The following ZDHHC17 variants were observed in gnomAD, a reference collection of about 807,000 sequenced individuals.
ZDHHC17 encodes zDHHC palmitoyltransferase 17, also known as palmitoyltransferase ZDHHC17.
ZDHHC17 carries 40 observed loss-of-function variants against 90.3 expected under a neutral mutation model. That is an observed-to-expected ratio of 0.44 (90% confidence interval 0.34 to 0.58). The LOEUF is 0.58. ZDHHC17 is among the 20% of genes least tolerant of loss of function. ZDHHC17 has a pLI of 0.01. For synonymous variants in ZDHHC17, 235 were observed against 252.4 expected, an observed-to-expected ratio of 0.93 and a Z score of 0.65; for missense variants, 614 against 780.8, an observed-to-expected ratio of 0.79 and a Z score of 2.55.
intron 13 of ZDHHC17, chr12:76,846,365 C>T (rs1953494697): frequency 2.1e-6 from 1 of 473,080 alleles, no homozygotes; most frequent in East Asian, 3.4e-5. Flanking sequence ...TTATTTAGTT[C>T]TTTGGGACTT....
At chr12:76,831,816 T>A (rs2137791027) in intron 10 of ZDHHC17, among the ~76,000 whole-genome samples, 2 of 152,260 alleles carry the variant, frequency 1.3e-5, no homozygotes, top group Middle Eastern at 6.8e-3. Flanking sequence ...CTGGCTAATT[T>A]GCGTATTTTT....
At chr12:76,799,448 A>T (rs957701426) in intron 2 of ZDHHC17, among the ~76,000 whole-genome samples, 1 of 152,230 alleles carries the variant, frequency 6.6e-6, no homozygotes, top group Non-Finnish European at 1.5e-5. Flanking sequence ...AAATTTCAGA[A>T]TAATGTGATC....
intron 4 of ZDHHC17, 116 bp downstream of exon 4, chr12:76,809,236 AT>A (rs1472212254): frequency 1.2e-5 from 7 of 578,452 alleles, no homozygotes; most frequent in Middle Eastern, 1.0e-3. Context: ...CCGTTAGTTA[AT>A]ATCATAAATA....
intron 7 of ZDHHC17, among the ~76,000 whole-genome samples, chr12:76,818,321 A>G (rs918274637): frequency 6.6e-6 from 1 of 152,232 alleles, no homozygotes; most frequent in African/African-American, 2.4e-5. Context: ...GGCATTCCCA[A>G]CATACTTAAG....
intron 1 of ZDHHC17, among the ~76,000 whole-genome samples, chr12:76,790,267 C>T (rs1036801450): frequency 1.3e-5 from 2 of 152,004 alleles, no homozygotes; most frequent in Non-Finnish European, 1.5e-5. Context: ...TTTGGGAGGC[C>T]GAGGTGGGTG....
At chr12:76,809,207 A>G (rs192325356) in intron 4 of ZDHHC17, 87 bp downstream of exon 4, 1 of 830,574 alleles carries the variant, frequency 1.2e-6, no homozygotes, top group Admixed American at 3.6e-5. Flanking sequence ...TACTAAAATG[A>G]ATAGGAGAGC....
At chr12:76,819,596 T>C (rs932756640) in intron 7 of ZDHHC17, among the ~76,000 whole-genome samples, 2 of 152,236 alleles carry the variant, frequency 1.3e-5, no homozygotes, top group Non-Finnish European at 2.9e-5. Context: ...AAATCTTTCT[T>C]TATATTAACT....
At chr12:76,770,565 C>T (rs1462048021) in intron 1 of ZDHHC17, among the ~76,000 whole-genome samples, 2 of 152,072 alleles carry the variant, frequency 1.3e-5, no homozygotes, top group East Asian at 1.9e-4. Context: ...AGAAATGATT[C>T]GTGGTCCTCC....
chr12:76,805,403 A>G lies in ZDHHC17; in HGVS notation c.284A>G (p.His95Arg), dbSNP rs778306311. 2 of 1,597,854 alleles carry G rather than the reference A, an allele frequency of 1.3e-6. No individual in the cohort carries two copies. The highest frequency in any genetic ancestry group is 1.7e-6 in the Non-Finnish European group (2 of 1,170,540). Residue 95 changes from histidine to arginine, a missense_variant, in exon 3 of 17, where the codon CAT (histidine) becomes CGT (arginine). This residue lies in a region of ZDHHC17 where 358 missense variants were observed against 380.4 expected (regional missense o/e 0.94). Transcript: ENST00000426126. ...QPDKENVTLL[H>R]WAAINNRIDL... ...GACAAAGAAAATGTTACCCTCCTCC[A>G]TTGGGCTGCCATCAATAACAGAATA...
chr12:76,850,713 T>C (rs1953556763), intron 16 of ZDHHC17, 134 bp from the exon 17 acceptor site: 2 of 993,714 alleles, frequency 2.0e-6, no homozygotes, highest in Non-Finnish European at 2.9e-6. Flanking sequence ...GAGTTATGAA[T>C]TGGTTCCTTC....
chr12:76,822,319 A>C, intron 7 of ZDHHC17, 87 bp from the exon 8 acceptor site: 1 of 1,522,488 alleles, frequency 6.6e-7, no homozygotes, highest in Non-Finnish European at 8.9e-7. Flanking sequence ...AGGGCAGTAA[A>C]TTAATTTTTA....
At chr12:76,768,281 A>G (rs1952453759) in intron 1 of ZDHHC17, among the ~76,000 whole-genome samples, 1 of 152,238 alleles carries the variant, frequency 6.6e-6, no homozygotes, top group Non-Finnish European at 1.5e-5. Flanking sequence ...GTTCTAGCTC[A>G]GTGACCTTGA....
chr12:76,781,582 C>T (rs988275635), intron 1 of ZDHHC17: 5 of 455,064 alleles, frequency 1.1e-5, no homozygotes, highest in African/African-American at 8.0e-5. Flanking sequence ...TTTGCTGTCT[C>T]ATGCTGTCTT....
intron 10 of ZDHHC17, chr12:76,840,450 C>T (rs1284678630): frequency 6.6e-6 from 1 of 151,802 alleles, no homozygotes; most frequent in Non-Finnish European, 1.5e-5. Context: ...AAGCAATTCT[C>T]CTGCCTCAGC....
At chr12:76,825,207 A>G (rs1482201459) in intron 8 of ZDHHC17, among the ~76,000 whole-genome samples, 1 of 152,208 alleles carries the variant, frequency 6.6e-6, no homozygotes, top group Non-Finnish European at 1.5e-5. Flanking sequence ...GTGATACGCT[A>G]GATGTTACCA....
Position 76,799,456 on chromosome 12 carries a change from A to G in ZDHHC17, c.197+1919A>G, listed in dbSNP as rs964756173. ...GCAAACCAAATTTCAGAATAATGTG[A>G]TCTTTATTACAACTTGCTGAGGACA... On this transcript the variant is annotated intron_variant, in intron 2 of 16. Transcript: ENST00000426126. Among the ~76,000 whole-genome samples, 77 of 152,168 alleles carry G rather than the reference A, an allele frequency of 5.1e-4. 2 individuals are homozygous for G. The highest frequency in any genetic ancestry group is 2.1e-4 in the Non-Finnish European group (14 of 68,028).
Position 76,829,874 on chromosome 12 carries a change from G to T in ZDHHC17, c.1141+1384G>T, listed in dbSNP as rs181054039. Among the ~76,000 whole-genome samples the T allele has an allele frequency of 3.1e-3, 478 of 152,136 alleles. 4 individuals are homozygous for T. The highest frequency in any genetic ancestry group is 0.01 in the African/African-American group (434 of 41,504). ...TTAATTTTTTTAACCTGTTCCCCAG[G>T]TTGGAGTGCAGTGGCACAATCATGG... On this transcript the variant is annotated intron_variant, in intron 10 of 16. Coordinates refer to ENST00000426126, the MANE Select transcript of ZDHHC17 (RefSeq NM_015336.4).
intron 3 of ZDHHC17, among the ~76,000 whole-genome samples, chr12:76,808,002 G>C (rs371451041): frequency 3.9e-4 from 60 of 152,208 alleles, no homozygotes; most frequent in East Asian, 1.5e-3. Flanking sequence ...TACTTTGTTA[G>C]GTTACTTTGA....
At chr12:76,833,027 G>C (rs1374413968) in intron 10 of ZDHHC17, among the ~76,000 whole-genome samples, 1 of 151,974 alleles carries the variant, frequency 6.6e-6, no homozygotes, top group African/African-American at 2.4e-5. Flanking sequence ...CTTTATTTTG[G>C]TTTCCTACAT....
Sources: allele counts gnomAD v4.1 joint callset (sites outside exome capture counted in the v4.1 genomes callset), GRCh38; gene constraint gnomAD v4.1.1; regional missense constraint gnomAD v4.1.1; transcripts MANE v1.5; gene names NCBI Gene and HGNC (gene_info 2026-07-23, HGNC 2026-07-21).